Variants in AAGAB observed in about 807,000 individuals in gnomAD.
The protein encoded by AAGAB is alpha- and gamma-adaptin-binding protein p34.
In AAGAB, 38 loss-of-function variants were observed where a neutral mutation model predicts 44.1. The ratio of observed to expected loss-of-function variants is 0.86; its 90% CI spans 0.67 to 1.13. The LOEUF (loss-of-function observed/expected upper bound fraction) is 1.13, where lower values mean the gene tolerates loss of function less well. Ranked by LOEUF, AAGAB falls within the 50% of genes most tolerant of loss-of-function variation. The pLI is 0.00. For missense variants in AAGAB, 450 were observed against 373.8 expected (o/e 1.20, Z -1.68); for synonymous variants, 131 against 131.8 (o/e 0.99, Z 0.04).
At chr15:67,243,937 T>A (rs1964662603) in intron 1 of AAGAB, among the ~76,000 whole-genome samples, 1 of 152,214 alleles carries the variant, frequency 6.6e-6, no homozygotes, top group Admixed American at 6.5e-5. Flanking sequence ...AATCTATGAA[T>A]GGTAGATTTC....
chr15:67,220,105 A>T (rs1964034704), intron 5 of AAGAB, among the ~76,000 whole-genome samples: 1 of 152,266 alleles, frequency 6.6e-6, no homozygotes, highest in Non-Finnish European at 1.5e-5. Flanking sequence ...TTTTAAATTA[A>T]CTATCTATCC....
intron 7 of AAGAB, 64 bp downstream of exon 7, chr15:67,208,498 T>G (rs1595980411): frequency 6.9e-7 from 1 of 1,441,734 alleles, no homozygotes; most frequent in East Asian, 2.3e-5. Flanking sequence ...CTCAACAATT[T>G]CTGCCCAGAT....
chr15:67,222,842 C>T (rs907712192), intron 5 of AAGAB, among the ~76,000 whole-genome samples: 3 of 152,176 alleles, frequency 2.0e-5, no homozygotes, highest in African/African-American at 7.2e-5. Context: ...TTTCTTTGCT[C>T]CCCTTTCCTG....
At chr15:67,245,851 C>T (rs986818432) in intron 1 of AAGAB, among the ~76,000 whole-genome samples, 2 of 152,118 alleles carry the variant, frequency 1.3e-5, no homozygotes, top group Non-Finnish European at 2.9e-5. Flanking sequence ...CACAGAAATC[C>T]TATACAACCC....
chr15:67,206,669 C>T (rs74020127), intron 7 of AAGAB, among the ~76,000 whole-genome samples: 2,136 of 152,268 alleles, frequency 0.014, 50 homozygotes, highest in African/African-American at 0.045. Flanking sequence ...CTATATTAAT[C>T]TACTTTGCTG....
intron 1 of AAGAB, among the ~76,000 whole-genome samples, chr15:67,243,861 T>G (rs1964660600): frequency 6.6e-6 from 1 of 152,212 alleles, no homozygotes; most frequent in Admixed American, 6.5e-5. Context: ...AAAGTCTATC[T>G]CAAGTGTCTT....
At chr15:67,216,197 A>G (rs1301965732) in intron 5 of AAGAB, among the ~76,000 whole-genome samples, 1 of 152,140 alleles carries the variant, frequency 6.6e-6, no homozygotes, top group African/African-American at 2.4e-5. Flanking sequence ...TAATCCCAGC[A>G]CTTTGGGAGG....
intron 1 of AAGAB, among the ~76,000 whole-genome samples, chr15:67,253,937 C>T (rs1964980838): frequency 1.3e-5 from 2 of 152,148 alleles, no homozygotes; most frequent in African/African-American, 4.8e-5. Flanking sequence ...GTCCCATGTT[C>T]TCTCTTTTAA....
At chr15:67,240,206 T>G (rs182938166) in intron 1 of AAGAB, among the ~76,000 whole-genome samples, 38 of 152,354 alleles carry the variant, frequency 2.5e-4, no homozygotes, top group African/African-American at 8.4e-4. Flanking sequence ...GAAAACTGTC[T>G]ATGACATTCA....
At position 67,209,536 on chromosome 15, in the gene AAGAB, G is replaced by T. The variant is rs1230006273; in HGVS notation, c.544C>A (p.Gln182Lys). 1.2e-6 allele frequency: 2 copies of T among 1,613,490 alleles called. No homozygotes were observed. The highest frequency in any genetic ancestry group is 1.7e-6 in the Non-Finnish European group (2 of 1,179,538). ...SNVVMKNDRN[Q>K]GFSLLNSLTG... The stretch of plus-strand genomic sequence containing the variant: ...AATGAGTTGAGAAGGCTAAAGCCTT[G>T]GTTCCTATCTGAAAAGGAAAAATAC... The change falls in exon 6 of 10, where the codon CAA becomes AAA. Residue 182 changes from glutamine to lysine, a missense_variant. Physicochemically the swap from Gln to Lys is moderately conservative, Grantham distance 53. Coordinates refer to ENST00000261880, the MANE Select transcript of AAGAB (RefSeq NM_024666.5).
chr15:67,204,196 G>A, intron 7 of AAGAB, 48 bp from the exon 8 acceptor site: 1 of 1,306,304 alleles, frequency 7.7e-7, no homozygotes, highest in Non-Finnish European at 1.1e-6. Context: ...TTGCATATGT[G>A]CTACACTCAG....
At chr15:67,219,577 C>G (rs146326390) in intron 5 of AAGAB, among the ~76,000 whole-genome samples, 81 of 152,114 alleles carry the variant, frequency 5.3e-4, no homozygotes, top group Non-Finnish European at 9.9e-4. Context: ...AAACCAAACA[C>G]GATATGTTCT....
chr15:67,253,993 C>T (rs1964984847), intron 1 of AAGAB, among the ~76,000 whole-genome samples: 1 of 152,178 alleles, frequency 6.6e-6, no homozygotes, highest in Non-Finnish European at 1.5e-5. Context: ...CAAGCAAAAG[C>T]ACTAGCCCAA....
chr15:67,222,282 A>ACACACACACACACACACCCACACC (rs796412643), intron 5 of AAGAB, among the ~76,000 whole-genome samples: 1 of 139,850 alleles, frequency 7.2e-6, no homozygotes, highest in Non-Finnish European at 1.6e-5. Context: ...ACACACACAC[A>ACACACACACACACACACCCACACC]CCCTCCACCC....
chr15:67,222,282 A>ACCCC (rs1555417910), intron 5 of AAGAB, among the ~76,000 whole-genome samples: 2 of 139,850 alleles, frequency 1.4e-5, no homozygotes, highest in African/African-American at 2.6e-5. Context: ...ACACACACAC[A>ACCCC]CCCTCCACCC....
rs998889315 is a variant in AAGAB, at chr15:67,204,200, C to T, written c.716-52G>A. 3 of 1,274,392 alleles carry T rather than the reference C, an allele frequency of 2.4e-6. No individual in the cohort carries two copies. The South Asian group carries it at 3.8e-5, about 16-fold the overall frequency. The allele number at this position is 1,274,392 out of a possible 1,614,324, so 78.9% of individuals were successfully genotyped here. On this transcript the variant is annotated intron_variant, in intron 7 of 9. Transcript: ENST00000261880. ...TGTCACGTTATTTGCATATGTGCTACACTCAGAGAATCCTAAGGCAAATGC... is the reference window on the plus strand; with the variant it reads ...TGTCACGTTATTTGCATATGTGCTATACTCAGAGAATCCTAAGGCAAATGC...
At chr15:67,212,318 G>A (rs774274020) in intron 5 of AAGAB, among the ~76,000 whole-genome samples, 11 of 151,962 alleles carry the variant, frequency 7.2e-5, no homozygotes, top group African/African-American at 1.2e-4. Flanking sequence ...TTACCTATTC[G>A]AAGAGATTTT....
chr15:67,244,859 T>C (rs1964684754), intron 1 of AAGAB, among the ~76,000 whole-genome samples: 1 of 151,690 alleles, frequency 6.6e-6, no homozygotes, highest in African/African-American at 2.4e-5. Context: ...GAATAGACAT[T>C]TCACCAAAGA....
chr15:67,214,797 C>T (rs1963904162), intron 5 of AAGAB, among the ~76,000 whole-genome samples: 2 of 152,136 alleles, frequency 1.3e-5, no homozygotes, highest in African/African-American at 2.4e-5. Flanking sequence ...TCCGCCACCG[C>T]GCCTGGCTAA....
Sources: allele counts gnomAD v4.1 joint callset (sites outside exome capture counted in the v4.1 genomes callset), GRCh38; gene constraint gnomAD v4.1.1; transcripts MANE v1.5; gene names NCBI Gene and HGNC (gene_info 2026-07-23, HGNC 2026-07-21).